Variants in CLEC3A observed in about 807,000 individuals in gnomAD.
CLEC3A encodes C-type lectin domain family 3 member A.
CLEC3A carries 28 observed loss-of-function variants against 20.4 expected under a neutral mutation model. The ratio of observed to expected loss-of-function variants is 1.37; its 90% confidence interval spans 1.02 to 1.88. CLEC3A has a LOEUF of 1.88. Among genes scored for constraint, CLEC3A ranks in the 40% most tolerant of loss-of-function variants. CLEC3A has a pLI of 0.00. For missense variants in CLEC3A, 357 were observed against 240.4 expected, an observed-to-expected ratio of 1.48 and a Z score of -3.21; for synonymous variants, 110 against 88.1, an observed-to-expected ratio of 1.25 and a Z score of -1.39.
chr16:78,023,749 C>T (rs550110141), intron 1 of CLEC3A, among the ~76,000 whole-genome samples: 3 of 149,578 alleles, frequency 2.0e-5, no homozygotes, highest in East Asian at 2.0e-4. Context: ...AGGTCTGGTG[C>T]AAGGTTTCTT....
At chr16:78,026,236 G>C (rs1007583129) in intron 1 of CLEC3A, among the ~76,000 whole-genome samples, 5 of 152,176 alleles carry the variant, frequency 3.3e-5, no homozygotes, top group African/African-American at 1.2e-4. Flanking sequence ...TAACCCAAAT[G>C]AGGAAACATC....
chr16:78,030,470 C>A lies in CLEC3A; in HGVS notation c.223C>A (p.His75Asn), dbSNP rs2030059218. The A allele has an allele frequency of 6.2e-7, 1 of 1,608,710 alleles. No individual in the cohort carries two copies. Among genetic ancestry groups the A allele is most frequent in the South Asian group, 1.1e-5 (1 of 90,524 alleles). ...QTVCLRGTKVHKKCYLASEGL... is the reference protein window; with the variant it reads ...QTVCLRGTKVNKKCYLASEGL... ...AGTCTGTCTCCGAGGCACTAAAGTT[C>A]ACAAGAAATGCTACCTTGCTTCAGA... Residue 75 changes from histidine (H) to asparagine (N), a missense_variant, in exon 3 of 3, where the codon CAC becomes AAC. Transcript: ENST00000299642.
chr16:78,027,408 G>C (rs1378151607), intron 1 of CLEC3A, among the ~76,000 whole-genome samples: 1 of 152,162 alleles, frequency 6.6e-6, no homozygotes, highest in South Asian at 2.1e-4. Context: ...ATACAGGAAA[G>C]CGCTGGAGCA....
At position 78,030,949 on chromosome 16, in the gene CLEC3A, C is replaced by G. The variant is rs2030084387; in HGVS notation, c.*108C>G. 14 of 1,251,438 alleles carry G rather than the reference C, an allele frequency of 1.1e-5. No individual in the cohort carries two copies. The highest frequency in any genetic ancestry group is 1.5e-5 in the Non-Finnish European group (14 of 917,844). 77.5% of individuals were successfully genotyped at this position (1,251,438 alleles called of 1,614,324 possible). ...TTTTACTTATTAAAAAATTGCAACA[C>G]AAGATCAATGTCCATAGCAATATGA... is the stretch of plus-strand genomic sequence containing the variant. On this transcript the variant is annotated 3_prime_UTR_variant, in exon 3 of 3. Coordinates refer to ENST00000299642, the MANE Select transcript of CLEC3A (RefSeq NM_005752.6).
chr16:78,030,920 T>C lies in CLEC3A; in HGVS notation c.*79T>C, dbSNP rs78553373. 29 of 1,443,146 alleles carry C rather than the reference T, an allele frequency of 2.0e-5. 1 individual carries two copies. The African/African-American group carries it at 4.1e-4, about 21-fold the overall frequency. The allele number at this position is 1,443,146 out of a possible 1,614,324, so 89.4% of individuals were successfully genotyped here. A position where few individuals can be genotyped will look rare whatever the true frequency, so the allele number is the denominator to read the frequency against. On this transcript the variant is annotated 3_prime_UTR_variant, in exon 3 of 3. Transcript: ENST00000299642. The stretch of plus-strand genomic sequence containing the variant: ...GATCTCTAAGATCAAGTAAAAATCA[T>C]AATTTTTACTTATTAAAAAATTGCA...
rs117455228 is a variant in CLEC3A at position 78,022,769 on chromosome 16, T to A, written c.115+28T>A. The A allele has an allele frequency of 9.9e-4, 1,591 of 1,612,924 alleles. 38 individuals are homozygous for A. The East Asian group carries it at 0.034, about 35-fold the overall frequency. ...AATGGGGCTTCTCAATCAAGCAAAATTCTAGGCTTAGACAGTGTGGGGAGG... is the reference window on the plus strand; with the variant it reads ...AATGGGGCTTCTCAATCAAGCAAAAATCTAGGCTTAGACAGTGTGGGGAGG... On this transcript the variant is annotated intron_variant, in intron 1 of 2. Transcript: ENST00000299642.
Position 78,022,723 on chromosome 16 carries a change from A to G in CLEC3A, c.97A>G (p.Ser33Gly). 1.2e-6 allele frequency: 2 copies of G among 1,614,232 alleles called. No individual in the cohort carries two copies. The highest frequency in any genetic ancestry group is 3.3e-4 in the Middle Eastern group (2 of 6,062). The change falls in exon 1 of 3, where the codon AGC becomes GGC. Residue 33 changes from serine to glycine, a missense_variant. Ser to Gly is a moderately conservative substitution (Grantham distance 56, BLOSUM62 0). Transcript: ENST00000299642. ...ATCCAGATTAAAAGCCAGGAAGCAC[A>G]GCAAACGTCGAGTGAGAGGTAATGG... ...HTSRLKARKH[S>G]KRRVRDKDGD...
intron 1 of CLEC3A, among the ~76,000 whole-genome samples, chr16:78,026,620 G>A (rs950813600): frequency 2.6e-5 from 4 of 152,176 alleles, no homozygotes; most frequent in Non-Finnish European, 5.9e-5. Context: ...AAGCACTACT[G>A]AAAGAATTGA....
chr16:78,027,382 T>C (rs1044969311), intron 1 of CLEC3A, among the ~76,000 whole-genome samples: 1 of 152,124 alleles, frequency 6.6e-6, no homozygotes, highest in African/African-American at 2.4e-5. Flanking sequence ...AGAGGAGATA[T>C]TTAAGCTTGC....
Position 78,030,857 on chromosome 16 carries a change from G to A in CLEC3A, c.*16G>A. Reference sequence around the variant, plus strand: ...CCCTCAATAGGTCTTTCTCCAATGTGTCCTCCAAGCAAGATTCATCATAAC... The same window carrying A: ...CCCTCAATAGGTCTTTCTCCAATGTATCCTCCAAGCAAGATTCATCATAAC... On this transcript the variant is annotated 3_prime_UTR_variant, in exon 3 of 3. Transcript: ENST00000299642. 6.3e-7 allele frequency: 1 copy of A among 1,592,220 alleles called. No homozygotes were observed.
intron 1 of CLEC3A, among the ~76,000 whole-genome samples, chr16:78,027,734 C>T (rs1287746961): frequency 6.6e-6 from 1 of 152,158 alleles, no homozygotes; most frequent in Non-Finnish European, 1.5e-5. Flanking sequence ...TTGCTCACTG[C>T]AACCTCTGCC....
intron 1 of CLEC3A, 123 bp downstream of exon 1, chr16:78,022,864 C>T: frequency 1.1e-6 from 1 of 928,392 alleles, no homozygotes; most frequent in Non-Finnish European, 1.6e-6. Flanking sequence ...GCCATCATCC[C>T]TATATGGCAT....
chr16:78,028,998 C>A (rs912494206), intron 2 of CLEC3A: 4 of 395,772 alleles, frequency 1.0e-5, no homozygotes, highest in South Asian at 5.8e-5. Context: ...AAAAGACAGT[C>A]AAATGCTTAT....
At chr16:78,024,189 G>C (rs2707598) in intron 1 of CLEC3A, among the ~76,000 whole-genome samples, 1 of 152,208 alleles carries the variant, frequency 6.6e-6, no homozygotes. Flanking sequence ...AGGGGAGAGA[G>C]AAGATACTGG....
At position 78,030,777 on chromosome 16, in the gene CLEC3A, A is replaced by G. The variant is rs768982856; in HGVS notation, c.530A>G (p.Lys177Arg). 6.2e-7 allele frequency: 1 copy of G among 1,614,172 alleles called. No individual in the cohort carries two copies. The highest frequency in any genetic ancestry group is 8.5e-7 in the Non-Finnish European group (1 of 1,179,998). The change falls in exon 3 of 3, where the codon AAG (lysine) becomes AGG (arginine). Residue 177 changes from lysine (K) to arginine (R), a missense_variant. Coordinates refer to ENST00000299642, the MANE Select transcript of CLEC3A (RefSeq NM_005752.6). ...CVLFSQSAQG[K>R]WSDEACRSSK... ...CTGTTCTCCCAATCAGCTCAGGGCA[A>G]GTGGAGTGATGAGGCCTGTCGCAGC...
intron 1 of CLEC3A, among the ~76,000 whole-genome samples, chr16:78,026,867 T>C (rs1190475708): frequency 6.6e-6 from 1 of 152,214 alleles, no homozygotes; most frequent in Non-Finnish European, 1.5e-5. Flanking sequence ...TGCTAATACC[T>C]AATATAGACG....
In CLEC3A at chr16:78,031,031, T is replaced by C. The variant is rs1483682192; in HGVS notation, c.*190T>C. 1 of 597,820 alleles carries C rather than the reference T, an allele frequency of 1.7e-6. No individual in the cohort carries two copies. The highest frequency in any genetic ancestry group is 2.8e-6 in the Non-Finnish European group (1 of 352,710). The allele number at this position is 597,820 out of a possible 1,614,324, so 37.0% of individuals were successfully genotyped here. On this transcript the variant is annotated 3_prime_UTR_variant, in exon 3 of 3. Transcript: ENST00000299642. ...TTGGGATTTTGCCCTTCCTGGGGTATAGGGGATCAGAAATATTGATCCATG... is the reference window on the plus strand; with the variant it reads ...TTGGGATTTTGCCCTTCCTGGGGTACAGGGGATCAGAAATATTGATCCATG...
chr16:78,023,110 G>C (rs1217619361), intron 1 of CLEC3A, among the ~76,000 whole-genome samples: 1 of 152,182 alleles, frequency 6.6e-6, no homozygotes, highest in African/African-American at 2.4e-5. Context: ...TGAGCACACT[G>C]TTTCACTAGT....
At position 78,030,854 on chromosome 16, in the gene CLEC3A, T is replaced by A. The variant is rs2030080849; in HGVS notation, c.*13T>A. ...CATCCCTCAATAGGTCTTTCTCCAA[T>A]GTGTCCTCCAAGCAAGATTCATCAT... On this transcript the variant is annotated 3_prime_UTR_variant, in exon 3 of 3. Coordinates refer to ENST00000299642, the MANE Select transcript of CLEC3A (RefSeq NM_005752.6). The A allele has an allele frequency of 6.3e-7, 1 of 1,595,394 alleles. No homozygotes were observed. Among genetic ancestry groups the A allele is most frequent in the African/African-American group, 1.3e-5 (1 of 74,402 alleles).
Sources: gnomAD v4.1 joint callset for allele counts (sites outside exome capture counted in the v4.1 genomes callset) on GRCh38, gnomAD v4.1.1 for gene constraint, MANE v1.5 for transcripts, NCBI Gene and HGNC (gene_info 2026-07-23, HGNC 2026-07-21) for gene names.